Variants in ATXN7L1 observed in about 807,000 individuals in gnomAD.
ATXN7L1 encodes the protein ataxin-7-like protein 1.
ATXN7L1 carries 15 observed loss-of-function variants against 70.8 expected under a neutral mutation model. That is an observed-to-expected ratio of 0.21 (90% CI 0.14 to 0.33). The LOEUF (loss-of-function observed/expected upper bound fraction) is 0.33, where lower values mean the gene tolerates loss of function less well. ATXN7L1 is among the 10% of genes least tolerant of loss of function. The probability of loss-of-function intolerance (pLI) is 1.00; values close to 1 mark genes in which losing one functional copy is unlikely to be tolerated. For missense variants in ATXN7L1, 975 were observed against 1,097.1 expected (o/e 0.89, Z 1.57); for synonymous variants, 440 against 445.1 (o/e 0.99, Z 0.14).
intron 11 of ATXN7L1, 27 bp downstream of exon 11, chr7:105,610,502 G>GGGGC: frequency 3.9e-6 from 6 of 1,525,620 alleles, no homozygotes; most frequent in South Asian, 1.2e-5. Flanking sequence ...ATGAATTTTT[G>GGGGC]CCCCACCCCC....
At chr7:105,707,113 C>T (rs916028005) in intron 3 of ATXN7L1, among the ~76,000 whole-genome samples, 2 of 152,176 alleles carry the variant, frequency 1.3e-5, no homozygotes, top group East Asian at 1.9e-4. Flanking sequence ...TTCCAAACAT[C>T]TCTAGTGGTA....
Position 105,607,741 on chromosome 7 carries a change from A to G in ATXN7L1, c.*111T>C. ...GAAAGGCCAGAGTCACAGGGAGTGC[A>G]CAGAAAACAGACTCTCCCCCCAGCC... is the stretch of plus-strand genomic sequence containing the variant. On this transcript the variant is annotated 3_prime_UTR_variant, in exon 12 of 12. Transcript: ENST00000419735. The G allele has an allele frequency of 5.3e-6, 5 of 940,052 alleles. No homozygotes were observed. The highest frequency in any genetic ancestry group is 8.2e-6 in the Non-Finnish European group (5 of 606,756). The allele number at this position is 940,052 out of a possible 1,614,324, so 58.2% of individuals were successfully genotyped here.
chr7:105,635,456 C>T (rs1797218293), intron 7 of ATXN7L1, among the ~76,000 whole-genome samples: 3 of 152,238 alleles, frequency 2.0e-5, no homozygotes, highest in African/African-American at 4.8e-5. Context: ...CACTCACTAA[C>T]AGCTACCATC....
At chr7:105,728,607 C>T (rs553718) in intron 3 of ATXN7L1, among the ~76,000 whole-genome samples, 9 of 152,092 alleles carry the variant, frequency 5.9e-5, no homozygotes, top group Admixed American at 2.0e-4. Flanking sequence ...TCTGAGAAGG[C>T]CCAGAAGCAG....
At chr7:105,851,810 A>G (rs1176597874) in intron 2 of ATXN7L1, among the ~76,000 whole-genome samples, 1 of 152,132 alleles carries the variant, frequency 6.6e-6, no homozygotes, top group Non-Finnish European at 1.5e-5. Flanking sequence ...CACACAAAAC[A>G]CGCCCTCACA....
At chr7:105,731,788 G>GAAAAGAAAAGAAAAGAAAAGAAAAGAA (rs1563046451) in intron 3 of ATXN7L1, among the ~76,000 whole-genome samples, 16 of 151,026 alleles carry the variant, frequency 1.1e-4, no homozygotes, top group African/African-American at 3.9e-4. Flanking sequence ...GAAAAGAAAA[G>GAAAAGAAAAGAAAAGAAAAGAAAAGAA]AAAAGAAAAG....
At chr7:105,738,659 G>C (rs970124798) in intron 3 of ATXN7L1, among the ~76,000 whole-genome samples, 2 of 152,178 alleles carry the variant, frequency 1.3e-5, no homozygotes, top group African/African-American at 4.8e-5. Flanking sequence ...AGTTGAGTTG[G>C]GATTTGAACC....
At chr7:105,721,130 C>G (rs1795133257) in intron 3 of ATXN7L1, among the ~76,000 whole-genome samples, 1 of 152,162 alleles carries the variant, frequency 6.6e-6, no homozygotes, top group African/African-American at 2.4e-5. Flanking sequence ...CGGTCCAGAA[C>G]ACGGGGTCCC....
At chr7:105,700,339 C>G (rs577114496) in intron 3 of ATXN7L1, among the ~76,000 whole-genome samples, 40 of 151,964 alleles carry the variant, frequency 2.6e-4, no homozygotes, top group Admixed American at 7.2e-4. Flanking sequence ...AACCCCATCT[C>G]TACTAAAAAT....
chr7:105,851,684 C>A (rs932909328), intron 2 of ATXN7L1, among the ~76,000 whole-genome samples: 3 of 152,162 alleles, frequency 2.0e-5, no homozygotes, highest in African/African-American at 4.8e-5. Context: ...GTGTCTCCCC[C>A]ACAAGCTGTA....
chr7:105,796,131 G>A (rs1274166255), intron 2 of ATXN7L1, among the ~76,000 whole-genome samples: 3 of 152,148 alleles, frequency 2.0e-5, no homozygotes, highest in Non-Finnish European at 4.4e-5. Context: ...TTGGGAGGCC[G>A]AGGCGGGCAG....
rs141779184 is a variant in ATXN7L1 at position 105,725,556 on chromosome 7, A to C, written c.356-60268T>G. On this transcript the variant is annotated intron_variant, in intron 3 of 11. Transcript: ENST00000419735. ...TGCTCTCCAAATGGGAAGCACATAC[A>C]TTGCGAGCAACTTTAATTTCCATTT... Among the ~76,000 whole-genome samples the C allele has an allele frequency of 9.1e-3, 1,359 of 150,118 alleles. 11 individuals are homozygous for C. Among genetic ancestry groups the C allele is most frequent in the Non-Finnish European group, 0.014 (982 of 67,784 alleles).
intron 2 of ATXN7L1, among the ~76,000 whole-genome samples, chr7:105,864,393 C>T (rs1180743269): frequency 2.1e-5 from 3 of 141,142 alleles, no homozygotes; most frequent in Admixed American, 7.6e-5. Flanking sequence ...TGGAGATCGA[C>T]GCTGCAGTGA....
At chr7:105,730,733 A>AAAAAAAAAAG (rs1454779370) in intron 3 of ATXN7L1, among the ~76,000 whole-genome samples, 1 of 149,426 alleles carries the variant, frequency 6.7e-6, no homozygotes, top group Non-Finnish European at 1.5e-5. Flanking sequence ...CTCCATCTCG[A>AAAAAAAAAAG]AAAAAAAAAG....
intron 2 of ATXN7L1, among the ~76,000 whole-genome samples, chr7:105,829,267 C>CACACA (rs1554476249): frequency 6.6e-6 from 1 of 151,212 alleles, no homozygotes; most frequent in Non-Finnish European, 1.5e-5. Context: ...ACTAAAAATA[C>CACACA]AAACAAAACA....
intron 3 of ATXN7L1, among the ~76,000 whole-genome samples, chr7:105,685,815 G>T (rs942704594): frequency 6.6e-6 from 1 of 152,188 alleles, no homozygotes; most frequent in African/African-American, 2.4e-5. Context: ...CTCAGGGCAG[G>T]TTCTCAGAAA....
intron 2 of ATXN7L1, among the ~76,000 whole-genome samples, chr7:105,801,401 T>A (rs1303693632): frequency 1.3e-5 from 2 of 152,162 alleles, no homozygotes; most frequent in Non-Finnish European, 2.9e-5. Context: ...GAAATCAGAT[T>A]CTCTGGGGTA....
chr7:105,761,280 G>A (rs1311578848), intron 3 of ATXN7L1: 1 of 1,579,234 alleles, frequency 6.3e-7, no homozygotes, highest in Non-Finnish European at 8.6e-7. Flanking sequence ...ACACTTCAGG[G>A]CTCTGCTGGA....
intron 2 of ATXN7L1, among the ~76,000 whole-genome samples, chr7:105,853,637 G>A (rs560039310): frequency 7.2e-5 from 11 of 151,798 alleles, no homozygotes; most frequent in East Asian, 1.9e-4. Flanking sequence ...GGTGGTGGGC[G>A]CCTGTAATCC....
Sources: gnomAD v4.1 joint callset for allele counts (sites outside exome capture counted in the v4.1 genomes callset) on GRCh38, gnomAD v4.1.1 for gene constraint, MANE v1.5 for transcripts, NCBI Gene and HGNC (gene_info 2026-07-23, HGNC 2026-07-21) for gene names.